Variants in TMCC3 observed in about 807,000 individuals in gnomAD.
TMCC3 encodes transmembrane and coiled-coil domain family 3.
Under a neutral mutation model 40.2 loss-of-function variants are expected in TMCC3, and 28 were observed. The observed-to-expected ratio is 0.70, with a 90% confidence interval of 0.52 to 0.95. The LOEUF (loss-of-function observed/expected upper bound fraction) is 0.95. Ranked by LOEUF, TMCC3 falls within the 40% of genes least tolerant of loss-of-function variation. TMCC3 has a pLI of 0.00. For missense variants in TMCC3, 554 were observed against 615.2 expected (o/e 0.90, Z 1.05); for synonymous variants, 255 against 248.5 (o/e 1.03, Z -0.25).
intron 3 of TMCC3, among the ~76,000 whole-genome samples, chr12:94,572,298 G>A (rs2068535779): frequency 8.9e-6 from 1 of 112,216 alleles, no homozygotes; most frequent in Non-Finnish European, 1.8e-5. Context: ...ATGCCCAGCC[G>A]ACTTCATCTT....
chr12:94,645,825 A>G (rs1318672787), intron 1 of TMCC3, among the ~76,000 whole-genome samples: 7 of 152,132 alleles, frequency 4.6e-5, no homozygotes, highest in African/African-American at 7.2e-5. Flanking sequence ...ATTTCCTTTG[A>G]GCGTCATGTT....
At chr12:94,597,198 G>A (rs942601740) in intron 1 of TMCC3, among the ~76,000 whole-genome samples, 4 of 140,990 alleles carry the variant, frequency 2.8e-5, no homozygotes, top group African/African-American at 7.9e-5. Flanking sequence ...GCCTGTAGTC[G>A]CAGCTACTCA....
chr12:94,619,996 T>C (rs988498509), intron 1 of TMCC3, among the ~76,000 whole-genome samples: 19 of 151,970 alleles, frequency 1.3e-4, no homozygotes, highest in Non-Finnish European at 2.1e-4. Flanking sequence ...AAACCCTGTC[T>C]CTACTAAAAA....
At chr12:94,578,146 C>CAAAAAAAAAAAAA (rs1183420863) in intron 3 of TMCC3, among the ~76,000 whole-genome samples, 18 of 34,760 alleles carry the variant, frequency 5.2e-4, no homozygotes, top group African/African-American at 1.5e-3. Context: ...AGACTCACCT[C>CAAAAAAAAAAAAA]AAAAAAAAAA....
intron 1 of TMCC3, among the ~76,000 whole-genome samples, chr12:94,625,141 TC>T (rs1219555508): frequency 4.8e-5 from 4 of 83,042 alleles, no homozygotes; most frequent in African/African-American, 2.0e-4. Context: ...AAACTCCATC[TC>T]AAAAAAAAAA....
At chr12:94,607,370 T>C (rs1432057274) in intron 1 of TMCC3, among the ~76,000 whole-genome samples, 1 of 152,184 alleles carries the variant, frequency 6.6e-6, no homozygotes, top group African/African-American at 2.4e-5. Context: ...ATTAAGAGAT[T>C]AAAGACAGGC....
At chr12:94,637,747 G>A (rs1211222961) in intron 1 of TMCC3, among the ~76,000 whole-genome samples, 1 of 152,184 alleles carries the variant, frequency 6.6e-6, no homozygotes, top group Non-Finnish European at 1.5e-5. Flanking sequence ...AATAAATGAT[G>A]GTATAGCCAT....
chr12:94,573,335 T>C (rs1308845512), intron 3 of TMCC3, among the ~76,000 whole-genome samples: 1 of 152,218 alleles, frequency 6.6e-6, no homozygotes, highest in Non-Finnish European at 1.5e-5. Flanking sequence ...CTGCCTGCAA[T>C]AACCTTACAC....
chr12:94,636,900 G>A (rs949348603), intron 1 of TMCC3, among the ~76,000 whole-genome samples: 6 of 152,320 alleles, frequency 3.9e-5, no homozygotes, highest in South Asian at 4.1e-4. Context: ...TTGACACCTT[G>A]ATTTCAGGCT....
chr12:94,635,362 T>C (rs2068954304), intron 1 of TMCC3, among the ~76,000 whole-genome samples: 1 of 152,130 alleles, frequency 6.6e-6, no homozygotes, highest in Non-Finnish European at 1.5e-5. Context: ...TGCTCTTCCA[T>C]CTCCCGAGCT....
intron 1 of TMCC3, among the ~76,000 whole-genome samples, chr12:94,632,857 A>G (rs928536703): frequency 6.6e-6 from 1 of 152,262 alleles, no homozygotes; most frequent in Non-Finnish European, 1.5e-5. Context: ...ATGGTGTTCC[A>G]ACACTTTGGG....
chr12:94,606,413 C>T lies in TMCC3; in HGVS notation c.79-23875G>A, dbSNP rs143103658. 7.4e-3 allele frequency among the ~76,000 whole-genome samples: 1,091 copies of T among 147,068 alleles called. 16 individuals carry two copies. Among genetic ancestry groups the T allele is most frequent in the African/African-American group, 0.025 (1,013 of 39,742 alleles). On this transcript the variant is annotated intron_variant, in intron 1 of 3. Coordinates refer to ENST00000261226, the MANE Select transcript of TMCC3 (RefSeq NM_020698.4). ...AGACAATCTCGCTCTGTCACCCAGG[C>T]TGGAGTGCAGTGGGGTGATCTCAGC...
chr12:94,616,206 G>A (rs2068847291), intron 1 of TMCC3: 1 of 555,746 alleles, frequency 1.8e-6, no homozygotes, highest in Non-Finnish European at 2.3e-6. Flanking sequence ...GCAGTCAGCA[G>A]AAGAGATCCA....
At chr12:94,576,274 C>T (rs2068564350) in intron 3 of TMCC3, among the ~76,000 whole-genome samples, 1 of 152,194 alleles carries the variant, frequency 6.6e-6, no homozygotes, top group Non-Finnish European at 1.5e-5. Context: ...GGGATTAGCA[C>T]AGGCTCAGCC....
intron 1 of TMCC3, among the ~76,000 whole-genome samples, chr12:94,628,611 A>G (rs1413043912): frequency 3.9e-5 from 6 of 152,244 alleles, no homozygotes; most frequent in Admixed American, 3.9e-4. Context: ...ACAAGGCTGC[A>G]CAAGGTCAAA....
chr12:94,642,387 C>T lies in TMCC3; in HGVS notation c.78+7966G>A, dbSNP rs564238257. On this transcript the variant is annotated intron_variant, in intron 1 of 3. Coordinates refer to ENST00000261226, the MANE Select transcript of TMCC3 (RefSeq NM_020698.4). ...GTCTAACTTTCCAACCCTCTGCCTT[C>T]GTACCTTTAATTCAGTCAAGCCAGG... Among the ~76,000 whole-genome samples, 16 of 152,344 alleles carry T rather than the reference C, an allele frequency of 1.1e-4. No individual in the cohort carries two copies. In the East Asian group the frequency reaches 3.1e-3, roughly 29 times the overall value.
intron 1 of TMCC3, among the ~76,000 whole-genome samples, chr12:94,628,820 G>C (rs757666003): frequency 1.6e-4 from 24 of 152,156 alleles, no homozygotes; most frequent in Non-Finnish European, 2.8e-4. Context: ...GCACTTAAAG[G>C]GTGCCGTTCT....
In TMCC3 at chr12:94,581,747, G is replaced by A. The variant is rs1468662494; in HGVS notation, c.870C>T (p.Ile290=). The stretch of plus-strand genomic sequence containing the variant: ...CCTTGATCTCCCTCAGTTCCTCCAG[G>A]ATCACGGCGAGCTTGCCCTGGCTGT... The part of the protein sequence containing the change: ...TLDSQGKLAV[I]LEELREIKDT... Residue 290 remains isoleucine (I), a synonymous_variant, in exon 2 of 4, where the codon ATC becomes ATT. Coordinates refer to ENST00000261226, the MANE Select transcript of TMCC3 (RefSeq NM_020698.4). 3 of 1,614,038 alleles carry A rather than the reference G, an allele frequency of 1.9e-6. No individual in the cohort carries two copies. In the African/African-American group the frequency reaches 4.0e-5, roughly 22 times the overall value.
intron 1 of TMCC3, among the ~76,000 whole-genome samples, chr12:94,586,898 G>A (rs2068641615): frequency 6.6e-6 from 1 of 152,258 alleles, no homozygotes; most frequent in Admixed American, 6.5e-5. Flanking sequence ...CTTACTGCTT[G>A]TCAGCAAATC....
Sources: allele counts gnomAD v4.1 joint callset (sites outside exome capture counted in the v4.1 genomes callset), GRCh38; gene constraint gnomAD v4.1.1; transcripts MANE v1.5; gene names NCBI Gene and HGNC (gene_info 2026-07-23, HGNC 2026-07-21).